The following TRIM24 variants were observed in gnomAD, a reference collection of about 807,000 sequenced individuals.
TRIM24 encodes the protein transcription intermediary factor 1-alpha.
TRIM24 carries 29 observed loss-of-function variants against 123.9 expected under a neutral mutation model. That is an observed-to-expected ratio of 0.23 (90% CI 0.17 to 0.32). TRIM24 has a LOEUF of 0.32. Ranked by LOEUF, TRIM24 falls within the 10% of genes least tolerant of loss-of-function variation. The probability of loss-of-function intolerance (pLI) is 1.00; values close to 1 mark genes in which losing one functional copy is unlikely to be tolerated. For synonymous variants in TRIM24, 456 were observed against 461.1 expected, an observed-to-expected ratio of 0.99 and a Z score of 0.14; for missense variants, 932 against 1,295.3, an observed-to-expected ratio of 0.72 and a Z score of 4.31.
chr7:138,534,265 T>G (rs1395167097), intron 6 of TRIM24, among the ~76,000 whole-genome samples: 25 of 152,112 alleles, frequency 1.6e-4, no homozygotes, highest in African/African-American at 5.8e-4. Flanking sequence ...GCTTTTGAAT[T>G]TGTTTGCTCT....
At chr7:138,569,644 G>A (rs1290722738) in intron 10 of TRIM24, among the ~76,000 whole-genome samples, 1 of 152,158 alleles carries the variant, frequency 6.6e-6, no homozygotes, top group East Asian at 1.9e-4. Flanking sequence ...TGAGGGAGGA[G>A]TAGGTGGTAA....
At position 138,579,218 on chromosome 7, in the gene TRIM24, A is replaced by C. The variant is rs756026181; in HGVS notation, c.2271A>C (p.Arg757Ser). 16 of 1,577,194 alleles carry C rather than the reference A, an allele frequency of 1.0e-5. 1 individual carries two copies. The Middle Eastern group carries it at 2.1e-3, about 203-fold the overall frequency. The change falls in exon 15 of 19, where the codon AGA (arginine) becomes AGC (serine). Residue 757 changes from arginine (R) to serine (S), a missense_variant. Arg to Ser is a moderately radical substitution (Grantham distance 110). Coordinates refer to ENST00000343526, the MANE Select transcript of TRIM24 (RefSeq NM_015905.3). ...ESRPQNANYP[R>S]SILTSLLLNS... The stretch of plus-strand genomic sequence containing the variant: ...TTCTACTACAGGCCAATTATCCAAG[A>C]AGCATACTCACCTCCCTGCTCTTAA...
At chr7:138,461,946 T>C (rs992615034) in intron 1 of TRIM24, among the ~76,000 whole-genome samples, 2 of 152,228 alleles carry the variant, frequency 1.3e-5, no homozygotes, top group African/African-American at 4.8e-5. Flanking sequence ...ACTCATTTAT[T>C]TGACTGCATG....
chr7:138,478,455 A>G (rs1401045454), intron 1 of TRIM24, among the ~76,000 whole-genome samples: 1 of 152,176 alleles, frequency 6.6e-6, no homozygotes, highest in Non-Finnish European at 1.5e-5. Context: ...CCTGAGCAGC[A>G]TAGCAAAAAC....
chr7:138,498,668 C>T (rs750623077), intron 1 of TRIM24, among the ~76,000 whole-genome samples: 4 of 151,430 alleles, frequency 2.6e-5, no homozygotes, highest in Non-Finnish European at 4.4e-5. Context: ...TTTTCCGAGA[C>T]GGAGTTTTGC....
chr7:138,540,063 G>A (rs1031371210), intron 7 of TRIM24, among the ~76,000 whole-genome samples: 8 of 152,166 alleles, frequency 5.3e-5, no homozygotes, highest in Non-Finnish European at 7.4e-5. Flanking sequence ...GCCTCCCAAA[G>A]TTCTGGGATT....
At chr7:138,488,130 T>C (rs1452033702) in intron 1 of TRIM24, among the ~76,000 whole-genome samples, 1 of 152,238 alleles carries the variant, frequency 6.6e-6, no homozygotes, top group African/African-American at 2.4e-5. Context: ...CTTATTTCTG[T>C]AGAGGTGTTA....
At chr7:138,471,699 G>A (rs1795276151) in intron 1 of TRIM24, among the ~76,000 whole-genome samples, 1 of 151,842 alleles carries the variant, frequency 6.6e-6, no homozygotes, top group Admixed American at 6.6e-5. Context: ...CGCCACCACA[G>A]TTGGCTAATT....
chr7:138,491,784 G>A (rs1244931044), intron 1 of TRIM24, among the ~76,000 whole-genome samples: 1 of 152,084 alleles, frequency 6.6e-6, no homozygotes, highest in East Asian at 1.9e-4. Flanking sequence ...CAGTGCACAA[G>A]AGTTATAGCT....
At chr7:138,566,071 G>A (rs749080945) in intron 9 of TRIM24, among the ~76,000 whole-genome samples, 41 of 152,122 alleles carry the variant, frequency 2.7e-4, no homozygotes, top group Non-Finnish European at 5.7e-4. Flanking sequence ...GCTTTGCCAG[G>A]GCCCTGCATA....
intron 7 of TRIM24, among the ~76,000 whole-genome samples, chr7:138,541,047 C>T (rs1796993055): frequency 6.6e-6 from 1 of 152,126 alleles, no homozygotes; most frequent in Non-Finnish European, 1.5e-5. Flanking sequence ...CTATGTTTTC[C>T]AGGCTGGTCT....
chr7:138,511,630 C>T (rs1796290717), intron 2 of TRIM24, among the ~76,000 whole-genome samples: 1 of 152,124 alleles, frequency 6.6e-6, no homozygotes, highest in Non-Finnish European at 1.5e-5. Context: ...CATGTGAACT[C>T]ACTACCATGA....
Position 138,570,498 on chromosome 7 carries a change from A to G in TRIM24, c.1705-332A>G, listed in dbSNP as rs1357983835. Among the ~76,000 whole-genome samples the G allele has an allele frequency of 2.0e-5, 3 of 151,966 alleles. No homozygotes were observed. The East Asian group carries it at 5.8e-4, about 29-fold the overall frequency. On this transcript the variant is annotated intron_variant, in intron 10 of 18. Transcript: ENST00000343526. ...GGGATAGAAGAAATGTATGTTTTCA[A>G]CCCTCCATCTTTACCTTGAAGTTGC...
At chr7:138,508,690 T>C (rs60362443) in intron 2 of TRIM24, among the ~76,000 whole-genome samples, 5,083 of 106,042 alleles carry the variant, frequency 0.048, 164 homozygotes, top group African/African-American at 0.11. Context: ...TGTGTGTGTG[T>C]GTGCGCGCGC....
intron 2 of TRIM24, among the ~76,000 whole-genome samples, chr7:138,508,720 C>CGTGTGTGTGCGTGT (rs1796218306): frequency 1.4e-5 from 1 of 72,514 alleles, no homozygotes; most frequent in Non-Finnish European, 3.1e-5. Context: ...TGTGTGTGTG[C>CGTGTGTGTGCGTGT]GTGTGTGTGT....
chr7:138,483,301 G>A (rs1325011343), intron 1 of TRIM24, among the ~76,000 whole-genome samples: 1 of 152,156 alleles, frequency 6.6e-6, no homozygotes, highest in Non-Finnish European at 1.5e-5. Flanking sequence ...TAAGTTCTCT[G>A]TAGCTTTGTT....
intron 1 of TRIM24, among the ~76,000 whole-genome samples, chr7:138,487,941 C>G (rs1217428077): frequency 1.3e-5 from 2 of 152,160 alleles, no homozygotes; most frequent in African/African-American, 4.8e-5. Context: ...CTTTCTACCT[C>G]TGGTAGAATT....
rs138298572 is a variant in TRIM24, at chr7:138,565,137, C to T, written c.1531-2344C>T. Among the ~76,000 whole-genome samples, 121 of 152,230 alleles carry T rather than the reference C, an allele frequency of 7.9e-4. No individual in the cohort carries two copies. In the East Asian group the frequency reaches 0.017, roughly 22 times the overall value. On this transcript the variant is annotated intron_variant, in intron 9 of 18. Coordinates refer to ENST00000343526, the MANE Select transcript of TRIM24 (RefSeq NM_015905.3). The stretch of plus-strand genomic sequence containing the variant: ...ACTGCGGCCCCCACACATCACTCCC[C>T]GCATTGGTTCCTCCTGGAACCGCCT...
chr7:138,563,278 G>C (rs1797464527), intron 9 of TRIM24, among the ~76,000 whole-genome samples: 1 of 152,238 alleles, frequency 6.6e-6, no homozygotes, highest in Non-Finnish European at 1.5e-5. Context: ...TTTGACTGGT[G>C]GCATTTTTGT....
Sources: allele counts gnomAD v4.1 joint callset (sites outside exome capture counted in the v4.1 genomes callset), GRCh38; gene constraint gnomAD v4.1.1; transcripts MANE v1.5; gene names NCBI Gene and HGNC (gene_info 2026-07-23, HGNC 2026-07-21).